The following PUS10 variants were observed in gnomAD, a reference collection of about 807,000 sequenced individuals.
PUS10 encodes pseudouridine synthase 10, also known as tRNA pseudouridine synthase Pus10.
PUS10 carries 59 observed loss-of-function variants against 75.0 expected under a neutral mutation model. The observed-to-expected ratio is 0.79, with a 90% confidence interval of 0.64 to 0.98. The LOEUF (loss-of-function observed/expected upper bound fraction) is 0.98, where lower values mean the gene tolerates loss of function less well. Ranked by LOEUF, PUS10 falls within the 50% of genes least tolerant of loss-of-function variation. The pLI, the probability that PUS10 is intolerant of heterozygous loss-of-function variation, is 0.00. For synonymous variants in PUS10, 219 were observed against 211.6 expected (o/e 1.03, Z -0.30); for missense variants, 650 against 614.4 (o/e 1.06, Z -0.61).
At chr2:60,995,222 G>C (rs1192725099) in intron 4 of PUS10, among the ~76,000 whole-genome samples, 2 of 152,178 alleles carry the variant, frequency 1.3e-5, no homozygotes, top group African/African-American at 4.8e-5. Flanking sequence ...CCTACTTTAA[G>C]GGGTTGTGAT....
chr2:61,001,872 G>A (rs1485158353), intron 4 of PUS10, among the ~76,000 whole-genome samples: 3 of 152,042 alleles, frequency 2.0e-5, no homozygotes, highest in Non-Finnish European at 4.4e-5. Context: ...TTTCTCTGAT[G>A]CTCTCAATCC....
chr2:61,001,215 C>T (rs1678832869), intron 4 of PUS10, among the ~76,000 whole-genome samples: 2 of 152,024 alleles, frequency 1.3e-5, no homozygotes, highest in South Asian at 4.2e-4. Flanking sequence ...CTTAGCAATT[C>T]TTGAAAGCTT....
chr2:60,979,485 C>T (rs1043385168), intron 4 of PUS10, among the ~76,000 whole-genome samples: 1 of 152,122 alleles, frequency 6.6e-6, no homozygotes, highest in Non-Finnish European at 1.5e-5. Flanking sequence ...TTCCTATAAC[C>T]ACTGTTTGAT....
intron 16 of PUS10, among the ~76,000 whole-genome samples, chr2:60,946,392 C>T (rs1208890038): frequency 6.6e-6 from 1 of 152,138 alleles, no homozygotes; most frequent in Non-Finnish European, 1.5e-5. Context: ...TCTTTCTTGG[C>T]TAATACCTTA....
intron 4 of PUS10, among the ~76,000 whole-genome samples, chr2:60,995,015 G>A (rs1408068200): frequency 4.6e-5 from 7 of 152,138 alleles, no homozygotes; most frequent in African/African-American, 1.7e-4. Context: ...GCTAGAACCC[G>A]GGAGGTGGAA....
At chr2:61,017,744 A>G in intron 1 of PUS10, 1 of 1,547,216 alleles carries the variant, frequency 6.5e-7, no homozygotes, top group Non-Finnish European at 8.7e-7. Context: ...GCGGGAGCCG[A>G]GAGGAGGCGG....
chr2:60,976,536 G>A (rs989962000), intron 4 of PUS10, among the ~76,000 whole-genome samples: 13 of 152,208 alleles, frequency 8.5e-5, no homozygotes, highest in Admixed American at 4.6e-4. Flanking sequence ...AAAGTAGGGC[G>A]GAACTGGAGG....
Position 61,018,134 on chromosome 2 carries a change from C to T in PUS10, c.-142G>A. 3 of 1,549,666 alleles carry T rather than the reference C, an allele frequency of 1.9e-6. No homozygotes were observed. Among genetic ancestry groups the T allele is most frequent in the Non-Finnish European group, 2.6e-6 (3 of 1,146,418 alleles). ...TGAAAGAAAGGGGGGCGGCTTCCTA[C>T]CTACCGCTTCTGTTTTCACTTTGAC... is the stretch of plus-strand genomic sequence containing the variant. On this transcript the variant is annotated 5_prime_UTR_variant, in exon 1 of 18. Transcript: ENST00000316752.
chr2:60,968,411 A>T lies in PUS10; in HGVS notation c.504-798T>A, dbSNP rs144900042. Among the ~76,000 whole-genome samples the T allele has an allele frequency of 1.5e-3, 231 of 152,304 alleles. 7 individuals carry two copies. In the East Asian group the frequency reaches 0.026, roughly 17 times the overall value. On this transcript the variant is annotated intron_variant, in intron 5 of 17. Coordinates refer to ENST00000316752, the MANE Select transcript of PUS10 (RefSeq NM_144709.4). ...ATTCAAATAATTAAAACTTCAAACC[A>T]GCCTTATGGCGATTTATAGGGCTGC...
rs754318691 is a variant in PUS10, at chr2:60,948,199, T to A, written c.1309-14A>T. 5.6e-6 allele frequency: 9 copies of A among 1,613,806 alleles called. No homozygotes were observed. The South Asian group carries it at 9.9e-5, about 18-fold the overall frequency. ...GATTTTTAAGTCCTAGGGGAGAATA[T>A]GACACACAGTCCCAGAGTCAGAGCT... On this transcript the variant is annotated splice_polypyrimidine_tract_variant and intron_variant, in intron 15 of 17. Transcript: ENST00000316752.
chr2:60,950,295 T>C (rs1415662114), intron 15 of PUS10, among the ~76,000 whole-genome samples: 3 of 152,234 alleles, frequency 2.0e-5, no homozygotes, highest in Non-Finnish European at 4.4e-5. Context: ...TTGCTTTTTT[T>C]CTCATGTCAT....
In PUS10 at chr2:60,949,722, T is replaced by C. The variant is rs116960984; in HGVS notation, c.1309-1537A>G. On this transcript the variant is annotated intron_variant, in intron 15 of 17. Coordinates refer to ENST00000316752, the MANE Select transcript of PUS10 (RefSeq NM_144709.4). ...TTGAAATCAACTAGTTGCATCAGTC[T>C]ACTTAGGCTATGGACCATTAAAAAA... Among the ~76,000 whole-genome samples the C allele has an allele frequency of 5.3e-5, 8 of 152,372 alleles. No individual in the cohort carries two copies. In the East Asian group the frequency reaches 1.5e-3, roughly 29 times the overall value.
At chr2:61,013,856 C>T (rs1679794878) in intron 1 of PUS10, among the ~76,000 whole-genome samples, 1 of 151,928 alleles carries the variant, frequency 6.6e-6, no homozygotes, top group South Asian at 2.1e-4. Flanking sequence ...GAAACCTTGT[C>T]TCTACTAAAA....
chr2:61,014,093 G>A (rs1679811534), intron 1 of PUS10, among the ~76,000 whole-genome samples: 4 of 151,674 alleles, frequency 2.6e-5, no homozygotes, highest in Non-Finnish European at 5.9e-5. Flanking sequence ...CCAACAAAAG[G>A]TCAGGCGCAG....
chr2:60,943,601 A>T (rs1319673542), intron 17 of PUS10, among the ~76,000 whole-genome samples: 1 of 152,188 alleles, frequency 6.6e-6, no homozygotes, highest in African/African-American at 2.4e-5. Flanking sequence ...TTCAAAAAAA[A>T]TTTATTAGAA....
intron 4 of PUS10, among the ~76,000 whole-genome samples, chr2:60,982,410 G>C (rs527927763): frequency 6.6e-6 from 1 of 152,124 alleles, no homozygotes; most frequent in Admixed American, 6.5e-5. Flanking sequence ...TTACAGGTGT[G>C]CACCACCACA....
intron 4 of PUS10, among the ~76,000 whole-genome samples, chr2:61,001,239 G>C (rs2104645433): frequency 6.6e-6 from 1 of 151,546 alleles, no homozygotes; most frequent in African/African-American, 2.4e-5. Flanking sequence ...TTCATTAGTA[G>C]CTTTAGTTTT....
At chr2:60,968,677 C>A (rs1676486530) in intron 5 of PUS10, among the ~76,000 whole-genome samples, 2 of 149,634 alleles carry the variant, frequency 1.3e-5, no homozygotes, top group Non-Finnish European at 3.0e-5. Context: ...ATAGTTGATC[C>A]AAAAAAAAAT....
chr2:61,002,871 T>C (rs938894045), intron 4 of PUS10, among the ~76,000 whole-genome samples: 2 of 152,204 alleles, frequency 1.3e-5, no homozygotes, highest in African/African-American at 2.4e-5. Flanking sequence ...ACTTTCCATA[T>C]TGTTCTCTTG....
Sources: gnomAD v4.1 joint callset for allele counts (sites outside exome capture counted in the v4.1 genomes callset) on GRCh38, gnomAD v4.1.1 for gene constraint, MANE v1.5 for transcripts, NCBI Gene and HGNC (gene_info 2026-07-23, HGNC 2026-07-21) for gene names.